Variants in SPIDR observed in about 807,000 individuals in gnomAD.
The protein encoded by SPIDR is DNA repair-scaffolding protein.
Under a neutral mutation model 104.6 loss-of-function variants are expected in SPIDR, and 93 were observed. That is an observed-to-expected ratio of 0.89 (90% confidence interval 0.75 to 1.06). The LOEUF (loss-of-function observed/expected upper bound fraction) is 1.06, where lower values mean the gene tolerates loss of function less well. SPIDR is among the 50% of genes least tolerant of loss of function. The pLI is 0.00. For missense variants in SPIDR, 1,154 were observed against 1,111.2 expected, an observed-to-expected ratio of 1.04 and a Z score of -0.55; for synonymous variants, 431 against 416.9, an observed-to-expected ratio of 1.03 and a Z score of -0.41.
chr8:47,380,854 T>G (rs2154300157), intron 5 of SPIDR, among the ~76,000 whole-genome samples: 1 of 152,320 alleles, frequency 6.6e-6, no homozygotes, highest in East Asian at 1.9e-4. Flanking sequence ...CTGGCTGATT[T>G]TCACGGATAA....
At chr8:47,726,340 G>C (rs925154159) in intron 16 of SPIDR, among the ~76,000 whole-genome samples, 1 of 152,134 alleles carries the variant, frequency 6.6e-6, no homozygotes, top group African/African-American at 2.4e-5. Flanking sequence ...GTTTTAGTGA[G>C]GAATGAAATT....
chr8:47,387,575 T>A (rs1216926098), intron 5 of SPIDR, among the ~76,000 whole-genome samples: 6 of 152,194 alleles, frequency 3.9e-5, no homozygotes, highest in Admixed American at 3.9e-4. Flanking sequence ...TGGCATGTGG[T>A]ATTATTGATC....
chr8:47,583,269 G>A (rs1259976035), intron 8 of SPIDR, among the ~76,000 whole-genome samples: 3 of 143,616 alleles, frequency 2.1e-5, no homozygotes, highest in African/African-American at 7.8e-5. Context: ...TCGCGCCACT[G>A]CACTCCAGCC....
At chr8:47,456,873 A>C (rs1168756462) in intron 8 of SPIDR, among the ~76,000 whole-genome samples, 1 of 152,032 alleles carries the variant, frequency 6.6e-6, no homozygotes, top group African/African-American at 2.4e-5. Context: ...TCCATACCTG[A>C]GTTATTTCAC....
At chr8:47,419,811 A>G (rs1468843415) in intron 7 of SPIDR, among the ~76,000 whole-genome samples, 1 of 151,878 alleles carries the variant, frequency 6.6e-6, no homozygotes, top group Non-Finnish European at 1.5e-5. Flanking sequence ...AGATTCCGGT[A>G]TGTTGCGTCT....
rs554913929 is a variant in SPIDR at position 47,728,117 on chromosome 8, A to G, written c.2436-816A>G. Reference sequence around the variant, plus strand: ...GGTGACAGAGTGAGACTCTGTCTCAAAAAGAAAAAGAGAAAAAAAAAAGCA... The same window carrying G: ...GGTGACAGAGTGAGACTCTGTCTCAGAAAGAAAAAGAGAAAAAAAAAAGCA... On this transcript the variant is annotated intron_variant, in intron 17 of 19. Coordinates refer to ENST00000297423, the MANE Select transcript of SPIDR (RefSeq NM_001080394.4). Among the ~76,000 whole-genome samples, 73 of 149,810 alleles carry G rather than the reference A, an allele frequency of 4.9e-4. 1 individual carries two copies. Among genetic ancestry groups the G allele is most frequent in the Admixed American group, 4.1e-3 (61 of 15,010 alleles).
chr8:47,493,556 C>T (rs567698107), intron 8 of SPIDR, among the ~76,000 whole-genome samples: 64 of 152,234 alleles, frequency 4.2e-4, no homozygotes, highest in Admixed American at 1.5e-3. Context: ...CAGTAACACC[C>T]TGAAAGAAGA....
At chr8:47,524,338 G>A (rs368479694) in intron 8 of SPIDR, among the ~76,000 whole-genome samples, 4 of 152,294 alleles carry the variant, frequency 2.6e-5, no homozygotes, top group South Asian at 2.1e-4. Flanking sequence ...CCTGTGCTTC[G>A]TCATTTCTCA....
In SPIDR at chr8:47,485,408, G is replaced by C. The variant is rs138864413; in HGVS notation, c.1097+44866G>C. 1.8e-4 allele frequency among the ~76,000 whole-genome samples: 28 copies of C among 152,336 alleles called. No homozygotes were observed. The East Asian group carries it at 5.4e-3, about 29-fold the overall frequency. On this transcript the variant is annotated intron_variant, in intron 8 of 19. Transcript: ENST00000297423. ...AGCTCAAGGAGGCTTGCCTGCCTCT[G>C]TAAACTCCACCTCTGCGGGCAGGGC...
intron 3 of SPIDR, among the ~76,000 whole-genome samples, chr8:47,288,544 G>A (rs1554565167): frequency 0.019 from 2,833 of 152,166 alleles, 87 homozygotes; most frequent in African/African-American, 0.064. Flanking sequence ...TCGGCCTCCC[G>A]AAGTCTAGGA....
chr8:47,567,132 G>T (rs2057955583), intron 8 of SPIDR, among the ~76,000 whole-genome samples: 1 of 152,050 alleles, frequency 6.6e-6, no homozygotes, highest in South Asian at 2.1e-4. Context: ...AATAGAGACA[G>T]GTGGGGAGGT....
intron 10 of SPIDR, among the ~76,000 whole-genome samples, chr8:47,629,409 G>A (rs939403673): frequency 1.2e-4 from 19 of 152,294 alleles, no homozygotes; most frequent in Middle Eastern, 3.4e-3. Context: ...GAAAGCAGCC[G>A]CAGACAATAA....
intron 5 of SPIDR, among the ~76,000 whole-genome samples, chr8:47,341,835 A>G (rs1554614246): frequency 6.6e-6 from 1 of 152,164 alleles, no homozygotes; most frequent in Non-Finnish European, 1.5e-5. Flanking sequence ...CACAGCACAT[A>G]GAAAGCAGCA....
intron 7 of SPIDR, chr8:47,419,042 G>A (rs980693694): frequency 2.6e-5 from 4 of 152,120 alleles, no homozygotes; most frequent in Non-Finnish European, 5.9e-5. Flanking sequence ...GAGGATTTTT[G>A]CATCGATGTT....
rs527601420 is a variant in SPIDR, at chr8:47,554,079, G to A, written c.1098-41732G>A. 3.3e-5 allele frequency among the ~76,000 whole-genome samples: 5 copies of A among 152,204 alleles called. No homozygotes were observed. The East Asian group carries it at 7.7e-4, about 24-fold the overall frequency. On this transcript the variant is annotated intron_variant, in intron 8 of 19. Coordinates refer to ENST00000297423, the MANE Select transcript of SPIDR (RefSeq NM_001080394.4). ...TGCAGAACAGCAAATACTGCAGAAC[G>A]GCAAATGTTGCTGCCTGATCCTTCC...
chr8:47,684,704 A>G (rs1441888733), intron 11 of SPIDR, among the ~76,000 whole-genome samples: 1 of 152,232 alleles, frequency 6.6e-6, no homozygotes, highest in Non-Finnish European at 1.5e-5. Flanking sequence ...CACTGACCCA[A>G]GACTTTGTTG....
At chr8:47,345,993 A>T (rs1034957362) in intron 5 of SPIDR, among the ~76,000 whole-genome samples, 1 of 152,142 alleles carries the variant, frequency 6.6e-6, no homozygotes, top group Non-Finnish European at 1.5e-5. Flanking sequence ...AGAATTTCTA[A>T]CACTATGTTG....
At chr8:47,723,179 T>C (rs568172241) in intron 16 of SPIDR, among the ~76,000 whole-genome samples, 42 of 152,308 alleles carry the variant, frequency 2.8e-4, no homozygotes, top group African/African-American at 8.9e-4. Context: ...TGTGTCTTTA[T>C]ATAAACAACA....
At chr8:47,497,461 A>T (rs577264018) in intron 8 of SPIDR, among the ~76,000 whole-genome samples, 59 of 152,164 alleles carry the variant, frequency 3.9e-4, no homozygotes, top group Admixed American at 1.1e-3. Context: ...TCATTGGCCT[A>T]TTGGTTATTT....
Sources: gnomAD v4.1 joint callset for allele counts (sites outside exome capture counted in the v4.1 genomes callset) on GRCh38, gnomAD v4.1.1 for gene constraint, MANE v1.5 for transcripts, NCBI Gene and HGNC (gene_info 2026-07-23, HGNC 2026-07-21) for gene names.